GPD1L: variants seen among roughly 807,000 people sequenced by gnomAD.
The protein encoded by GPD1L is glycerol-3-phosphate dehydrogenase 1 like.
Under a neutral mutation model 32.9 loss-of-function variants are expected in GPD1L, and 17 were observed. The observed-to-expected ratio is 0.52, with a 90% CI of 0.35 to 0.78. The LOEUF (loss-of-function observed/expected upper bound fraction) is 0.78. Ranked by LOEUF, GPD1L falls within the 30% of genes least tolerant of loss-of-function variation. The pLI is 0.01. For synonymous variants in GPD1L, 187 were observed against 165.9 expected (o/e 1.13, Z -0.98); for missense variants, 361 against 447.8 (o/e 0.81, Z 1.75).
At chr3:32,121,751 CTATATATATA>C (rs1244805776) in intron 1 of GPD1L, among the ~76,000 whole-genome samples, 3 of 133,380 alleles carry the variant, frequency 2.2e-5, no homozygotes, top group South Asian at 2.3e-4. Context: ...ATATATATTT[CTATATATATA>C]TATTTCTATA....
At chr3:32,123,570 G>A (rs1247287841) in intron 1 of GPD1L, among the ~76,000 whole-genome samples, 2 of 152,108 alleles carry the variant, frequency 1.3e-5, no homozygotes, top group Non-Finnish European at 2.9e-5. Context: ...GAACCTTAAA[G>A]ATTACCTGAC....
At chr3:32,126,069 C>T (rs1441896006) in intron 1 of GPD1L, among the ~76,000 whole-genome samples, 1 of 152,114 alleles carries the variant, frequency 6.6e-6, no homozygotes, top group Admixed American at 6.6e-5. Context: ...GTGGCATGTG[C>T]CTGTAGTCCC....
chr3:32,112,914 C>A (rs1245381338), intron 1 of GPD1L, among the ~76,000 whole-genome samples: 1 of 152,134 alleles, frequency 6.6e-6, no homozygotes, highest in Non-Finnish European at 1.5e-5. Flanking sequence ...AGAAAACTTG[C>A]TTAAGTCAAC....
chr3:32,149,605 A>T (rs1193196171), intron 5 of GPD1L, among the ~76,000 whole-genome samples: 2 of 152,248 alleles, frequency 1.3e-5, no homozygotes, highest in East Asian at 1.9e-4. Context: ...AGCTGTATTC[A>T]TCTCTTAGTA....
intron 1 of GPD1L, among the ~76,000 whole-genome samples, chr3:32,110,370 T>C (rs1410148904): frequency 6.6e-6 from 1 of 152,230 alleles, no homozygotes; most frequent in Non-Finnish European, 1.5e-5. Context: ...CACCAAGAGA[T>C]AGACCTACCC....
At chr3:32,121,029 G>A (rs1322717212) in intron 1 of GPD1L, among the ~76,000 whole-genome samples, 5 of 152,074 alleles carry the variant, frequency 3.3e-5, no homozygotes, top group Non-Finnish European at 5.9e-5. Context: ...GAGCAGAAGG[G>A]TTAAAAGGGA....
chr3:32,143,862 G>C (rs1393106087), intron 4 of GPD1L, among the ~76,000 whole-genome samples: 1 of 152,048 alleles, frequency 6.6e-6, no homozygotes, highest in Admixed American at 6.5e-5. Flanking sequence ...CACGCCTATG[G>C]TCCCAGGTAC....
rs1700913025 is a variant in GPD1L, at chr3:32,151,069, A to AT, written c.618+4340dup. 1.1e-4 allele frequency: 36 copies of AT among 336,644 alleles called. No individual in the cohort carries two copies. In the South Asian group the frequency reaches 1.1e-3, roughly 10 times the overall value. 20.9% of individuals were successfully genotyped at this position (336,644 alleles called of 1,614,324 possible). On this transcript the variant is annotated intron_variant, in intron 5 of 7. Transcript: ENST00000282541. Reference sequence around the variant, plus strand: ...ATGCGTGAGCCATCACACCCAGCCTATTTTTCACACCTATTATGCATGAAT... The same window carrying AT: ...ATGCGTGAGCCATCACACCCAGCCTATTTTTTCACACCTATTATGCATGAAT...
chr3:32,139,058 C>A (rs1700704389), intron 3 of GPD1L, among the ~76,000 whole-genome samples: 2 of 152,112 alleles, frequency 1.3e-5, no homozygotes, highest in African/African-American at 4.8e-5. Context: ...AGTGCCCATT[C>A]TTGGATATAT....
chr3:32,147,546 A>C (rs572886577), intron 5 of GPD1L, among the ~76,000 whole-genome samples: 46 of 152,336 alleles, frequency 3.0e-4, no homozygotes, highest in African/African-American at 1.0e-3. Context: ...AACAGGGAAC[A>C]GCAGCAGCTA....
chr3:32,106,735 G>C lies in GPD1L; in HGVS notation c.24G>C (p.Val8=). 1 of 1,560,732 alleles carries C rather than the reference G, an allele frequency of 6.4e-7. No individual in the cohort carries two copies. Among genetic ancestry groups the C allele is most frequent in the Non-Finnish European group, 8.7e-7 (1 of 1,154,334 alleles). The part of the protein sequence containing the change: MAAAPLK[V]CIVGSGNWGS... ...CCATGGCAGCGGCGCCCCTGAAAGT[G>C]TGCATCGTGGGCTCGGGGAACTGGT... The change falls in exon 1 of 8, where the codon GTG becomes GTC. Residue 8 remains valine (V), a synonymous_variant. Coordinates refer to ENST00000282541, the MANE Select transcript of GPD1L (RefSeq NM_015141.4). This position sits in a 1 kb window ranked among gnomAD's most constrained non-coding sequence, Gnocchi z 4.0.
At chr3:32,129,098 A>G (rs1490017964) in intron 2 of GPD1L, among the ~76,000 whole-genome samples, 1 of 152,204 alleles carries the variant, frequency 6.6e-6, no homozygotes, top group Non-Finnish European at 1.5e-5. Context: ...AGTGGAATTT[A>G]TGAACTTCTT....
intron 5 of GPD1L, among the ~76,000 whole-genome samples, chr3:32,153,932 A>G (rs1330513857): frequency 6.6e-6 from 1 of 152,140 alleles, no homozygotes; most frequent in African/African-American, 2.4e-5. Context: ...GGGAAGAGCT[A>G]CATACGTCTG....
intron 1 of GPD1L, among the ~76,000 whole-genome samples, chr3:32,110,673 A>G (rs773603583): frequency 3.3e-5 from 5 of 152,144 alleles, no homozygotes; most frequent in African/African-American, 7.2e-5. Context: ...TTTTCTCTAC[A>G]TAGATCAGAG....
intron 1 of GPD1L, among the ~76,000 whole-genome samples, chr3:32,119,709 C>A (rs1461928202): frequency 6.6e-6 from 1 of 152,150 alleles, no homozygotes; most frequent in Non-Finnish European, 1.5e-5. Flanking sequence ...TGAGATTATT[C>A]ATAATTTTTT....
At chr3:32,144,854 C>CACA (rs774096008) in intron 4 of GPD1L, among the ~76,000 whole-genome samples, 1 of 147,898 alleles carries the variant, frequency 6.8e-6, no homozygotes, top group African/African-American at 2.5e-5. Flanking sequence ...CACACACACA[C>CACA]CACCACGCCA....
intron 7 of GPD1L, among the ~76,000 whole-genome samples, chr3:32,162,315 A>G (rs1407353250): frequency 6.6e-6 from 1 of 150,926 alleles, no homozygotes; most frequent in Non-Finnish European, 1.5e-5. Flanking sequence ...ACATCCTCTT[A>G]CTCCCTATGG....
chr3:32,140,107 G>A, intron 3 of GPD1L, 121 bp from the exon 4 acceptor site: 1 of 947,300 alleles, frequency 1.1e-6, no homozygotes, highest in South Asian at 1.3e-5. Context: ...AGGCAGTATA[G>A]ATGCTTTTAC....
chr3:32,136,971 C>T (rs1000863725), intron 2 of GPD1L, among the ~76,000 whole-genome samples: 1 of 152,210 alleles, frequency 6.6e-6, no homozygotes, highest in Non-Finnish European at 1.5e-5. Context: ...CCATGTGTAG[C>T]TGCAAGGACT....
Sources: gnomAD v4.1 joint callset for allele counts (sites outside exome capture counted in the v4.1 genomes callset) on GRCh38, gnomAD v4.1.1 for gene constraint, Gnocchi (gnomAD v3.1) non-coding constraint, MANE v1.5 for transcripts, NCBI Gene and HGNC (gene_info 2026-07-23, HGNC 2026-07-21) for gene names.